The following TASOR variants were observed in gnomAD, a reference collection of about 807,000 sequenced individuals.
TASOR encodes transcription activation suppressor, also known as protein TASOR.
Under a neutral mutation model 178.6 loss-of-function variants are expected in TASOR, and 53 were observed. That is an observed-to-expected ratio of 0.30 (90% CI 0.24 to 0.37). The LOEUF is 0.37. Ranked by LOEUF, TASOR falls within the 10% of genes least tolerant of loss-of-function variation. The probability of loss-of-function intolerance (pLI) is 1.00; values close to 1 mark genes in which losing one functional copy is unlikely to be tolerated. For missense variants in TASOR, 1,815 were observed against 1,971.4 expected (o/e 0.92, Z 1.50); for synonymous variants, 713 against 696.2 (o/e 1.02, Z -0.38).
At chr3:56,652,338 G>A (rs2077369780) in intron 11 of TASOR, among the ~76,000 whole-genome samples, 1 of 152,092 alleles carries the variant, frequency 6.6e-6, no homozygotes. Flanking sequence ...CCAGCACTCT[G>A]GGAGGCCAAG....
At position 56,683,183 on chromosome 3, in the gene TASOR, A is replaced by C. The variant is rs2031959167; in HGVS notation, c.-177T>G. On this transcript the variant is annotated 5_prime_UTR_variant, in exon 1 of 24. Coordinates refer to ENST00000683822, the MANE Select transcript of TASOR (RefSeq NM_001365635.2). ...CCTCTTGGGGGGCCCTGTAGCGGGC[A>C]CCCCAAATGCGCTGCCCGGTCCTCG... 1 of 611,212 alleles carries C rather than the reference A, an allele frequency of 1.6e-6. No individual in the cohort carries two copies. Among genetic ancestry groups the C allele is most frequent in the Non-Finnish European group, 2.7e-6 (1 of 369,900 alleles). 37.9% of individuals were successfully genotyped at this position (611,212 alleles called of 1,614,324 possible).
chr3:56,672,897 G>A (rs995379038), intron 2 of TASOR, among the ~76,000 whole-genome samples: 1 of 152,154 alleles, frequency 6.6e-6, no homozygotes, highest in Non-Finnish European at 1.5e-5. Context: ...CGCGATCTCA[G>A]CTCACTGCAA....
intron 7 of TASOR, among the ~76,000 whole-genome samples, chr3:56,665,843 G>A (rs955324982): frequency 4.6e-5 from 7 of 152,040 alleles, no homozygotes; most frequent in African/African-American, 1.7e-4. Flanking sequence ...ATGGTGGTAT[G>A]TGCCTGTAGT....
chr3:56,626,703 A>C (rs1003104170), intron 21 of TASOR, among the ~76,000 whole-genome samples: 10 of 152,042 alleles, frequency 6.6e-5, no homozygotes, highest in African/African-American at 2.4e-4. Flanking sequence ...AGATCGTCCC[A>C]TTGCACTCCA....
Position 56,682,669 on chromosome 3 carries a change from G to A in TASOR, c.331+7C>T. On this transcript the variant is annotated splice_region_variant and intron_variant, in intron 1 of 23. Coordinates refer to ENST00000683822, the MANE Select transcript of TASOR (RefSeq NM_001365635.2). ...GAGAGGGGGTTGAGAAGAAGGGGAG[G>A]CACCACCTTTCTTTTCTCTGCTCTT... 1 of 1,454,684 alleles carries A rather than the reference G, an allele frequency of 6.9e-7. No individual in the cohort carries two copies. Among genetic ancestry groups the A allele is most frequent in the Non-Finnish European group, 9.1e-7 (1 of 1,099,020 alleles). 90.1% of individuals were successfully genotyped at this position (1,454,684 alleles called of 1,614,324 possible).
At chr3:56,670,049 A>T in intron 4 of TASOR, 24 bp downstream of exon 4, 1 of 1,444,124 alleles carries the variant, frequency 6.9e-7, no homozygotes, top group Non-Finnish European at 9.4e-7. Flanking sequence ...GTAGATATTT[A>T]TATTTAAAAA....
At position 56,623,518 on chromosome 3, in the gene TASOR, G is replaced by C; in HGVS notation, c.4532C>G (p.Ser1511Ter). ...EKDEEDMSLD[S>*]GDEISHIEVC... ...TTCTATATGTGAGATTTCATCCCCTGAATCCAGAGACATATCCTCTTCATC... is the reference window on the plus strand; with the variant it reads ...TTCTATATGTGAGATTTCATCCCCTCAATCCAGAGACATATCCTCTTCATC... The change falls in exon 24 of 24, where the codon TCA becomes TGA. Residue 1511 changes from serine (S) to a stop codon, truncating the protein, a stop_gained. Transcript: ENST00000683822. LOFTEE classifies it high-confidence loss of function. The C allele has an allele frequency of 6.2e-7, 1 of 1,608,008 alleles. No homozygotes were observed. Among genetic ancestry groups the C allele is most frequent in the Non-Finnish European group, 8.5e-7 (1 of 1,178,960 alleles).
intron 6 of TASOR, among the ~76,000 whole-genome samples, chr3:56,666,949 G>A (rs2107621862): frequency 6.6e-6 from 1 of 152,298 alleles, no homozygotes; most frequent in South Asian, 2.1e-4. Flanking sequence ...TTTCAGAGTA[G>A]TGATTTTCAC....
chr3:56,678,177 A>ATTTTTTTTTTT (rs533306611), intron 1 of TASOR, among the ~76,000 whole-genome samples: 3 of 106,966 alleles, frequency 2.8e-5, no homozygotes, highest in African/African-American at 3.7e-5. Context: ...CACACTTATG[A>ATTTTTTTTTTT]TTTTTTTTTT....
intron 1 of TASOR, among the ~76,000 whole-genome samples, chr3:56,679,313 T>C (rs2031594218): frequency 6.6e-6 from 1 of 152,194 alleles, no homozygotes; most frequent in African/African-American, 2.4e-5. Flanking sequence ...TTGAACATAG[T>C]GTACAATTAG....
intron 1 of TASOR, among the ~76,000 whole-genome samples, chr3:56,678,786 G>A (rs564208166): frequency 2.0e-5 from 3 of 151,920 alleles, no homozygotes; most frequent in South Asian, 2.1e-4. Flanking sequence ...CAAGGAGGGC[G>A]GATCACTTCA....
chr3:56,628,736 G>T, intron 18 of TASOR, 122 bp from the exon 19 acceptor site: 1 of 647,422 alleles, frequency 1.5e-6, no homozygotes, highest in Non-Finnish European at 2.5e-6. Flanking sequence ...AACAATGAAT[G>T]AACTTACACT....
Position 56,682,918 on chromosome 3 carries a change from G to A in TASOR, c.89C>T (p.Ala30Val), listed in dbSNP as rs1162183056. The A allele has an allele frequency of 1.2e-5, 19 of 1,539,348 alleles. No homozygotes were observed. The highest frequency in any genetic ancestry group is 1.6e-5 in the Non-Finnish European group (18 of 1,137,638). Residue 30 changes from alanine to valine, a missense_variant, in exon 1 of 24, where the codon GCG becomes GTG. Around this residue, in one of 5 missense-constraint regions of TASOR, gnomAD observed 244 missense variants for 202.7 expected, o/e 1.20. Transcript: ENST00000683822. ...GGGGDDEMKQALPELESSQQN... is the reference protein window; with the variant it reads ...GGGGDDEMKQVLPELESSQQN... ...TTGGGAGGACTCAAGCTCCGGAAGC[G>A]CCTGCTTCATCTCGTCGTCTCCGCC...
chr3:56,641,223 A>G (rs2077117077), intron 15 of TASOR, 126 bp downstream of exon 15: 1 of 851,732 alleles, frequency 1.2e-6, no homozygotes, highest in Admixed American at 2.7e-5. Context: ...CTAGACAGGC[A>G]CCTTTACTCA....
chr3:56,675,061 G>A (rs181099257), intron 1 of TASOR, among the ~76,000 whole-genome samples: 3 of 152,092 alleles, frequency 2.0e-5, no homozygotes, highest in African/African-American at 4.8e-5. Context: ...TCCTGACCTC[G>A]TGATCCACCT....
intron 7 of TASOR, among the ~76,000 whole-genome samples, chr3:56,665,191 T>A (rs1337095493): frequency 1.3e-5 from 2 of 151,554 alleles, no homozygotes; most frequent in Admixed American, 6.6e-5. Flanking sequence ...AAACAGAGGG[T>A]CCTCAACACT....
intron 15 of TASOR, among the ~76,000 whole-genome samples, chr3:56,641,106 C>T (rs1401369558): frequency 1.1e-5 from 1 of 88,534 alleles, no homozygotes; most frequent in African/African-American, 8.5e-5. Context: ...TCCGCCTAAG[C>T]TTTATCACAA....
chr3:56,660,595 TA>T, intron 11 of TASOR, 135 bp downstream of exon 11: 1 of 643,788 alleles, frequency 1.6e-6, no homozygotes, highest in Admixed American at 2.9e-5. Context: ...AAAACACTGT[TA>T]ACTAAACAGC....
At chr3:56,680,939 C>T (rs973920900) in intron 1 of TASOR, among the ~76,000 whole-genome samples, 1 of 152,002 alleles carries the variant, frequency 6.6e-6, no homozygotes, top group Non-Finnish European at 1.5e-5. Context: ...GTGTGTTCAG[C>T]TGAAGTCTAT....
Sources: allele counts gnomAD v4.1 joint callset (sites outside exome capture counted in the v4.1 genomes callset), GRCh38; gene constraint gnomAD v4.1.1; regional missense constraint gnomAD v4.1.1; transcripts MANE v1.5; gene names NCBI Gene and HGNC (gene_info 2026-07-23, HGNC 2026-07-21).